C12orf54: variants seen among roughly 807,000 people sequenced by gnomAD.
C12orf54 encodes the protein chromosome 12 open reading frame 54, also known as uncharacterized protein C12orf54.
C12orf54 carries 24 observed loss-of-function variants against 26.4 expected under a neutral mutation model. The ratio of observed to expected loss-of-function variants is 0.91; its 90% CI spans 0.66 to 1.28. The LOEUF is 1.28. C12orf54 is among the 50% of genes most tolerant of loss of function. The pLI is 0.00. For synonymous variants in C12orf54, 54 were observed against 47.0 expected, an observed-to-expected ratio of 1.15 and a Z score of -0.61; for missense variants, 154 against 150.9, an observed-to-expected ratio of 1.02 and a Z score of -0.11.
At chr12:48,478,605 CA>C (rs1433858829), upstream of C12orf54, among the ~76,000 whole-genome samples, 1 of 152,098 alleles carries the variant, frequency 6.6e-6, no homozygotes, top group African/African-American at 2.4e-5. Context: ...ACACCAATAA[CA>C]GACAAACAGA....
chr12:48,426,712 C>T, the C12orf54 span, among the ~76,000 whole-genome samples: 322 of 152,172 alleles, frequency 2.1e-3, no homozygotes, highest in Admixed American at 4.1e-3. Flanking sequence ...TCCCTATCCA[C>T]GAGCATGAAT....
the C12orf54 span, among the ~76,000 whole-genome samples, chr12:48,436,490 T>A: frequency 0.31 from 46,988 of 151,892 alleles, 7,787 homozygotes; most frequent in African/African-American, 0.35. Flanking sequence ...CTATTCCAAA[T>A]TTGACCACAT....
chr12:48,483,456 G>A, intron 2 of C12orf54, 95 bp downstream of exon 2: 1 of 1,143,648 alleles, frequency 8.7e-7, no homozygotes, highest in Non-Finnish European at 1.3e-6. Context: ...CTCTTCATTT[G>A]GCTTCACTTG....
the C12orf54 span, among the ~76,000 whole-genome samples, chr12:48,452,042 AAAGAACAAAGCTGG>A: frequency 6.6e-6 from 1 of 152,202 alleles, no homozygotes; most frequent in Non-Finnish European, 1.5e-5. Flanking sequence ...TCCTAAGCAA[AAAGAACAAAGCTGG>A]AAGTATCACT....
intron 5 of C12orf54, chr12:48,489,441 CTT>C (rs1937735268): frequency 7.8e-6 from 2 of 256,326 alleles, no homozygotes; most frequent in Non-Finnish European, 1.6e-5. Context: ...CTCTCTCTCT[CTT>C]TGAGACAGGG....
the C12orf54 span, among the ~76,000 whole-genome samples, chr12:48,421,350 A>G: frequency 6.6e-6 from 1 of 151,322 alleles, no homozygotes; most frequent in Non-Finnish European, 1.5e-5. Flanking sequence ...TCAACAATAA[A>G]GTAGCAATGA....
chr12:48,465,674 C>T, the C12orf54 span, among the ~76,000 whole-genome samples: 1 of 151,980 alleles, frequency 6.6e-6, no homozygotes. Context: ...AAACACCCAT[C>T]GATGATAGAC....
At chr12:48,436,053 G>A in the C12orf54 span, among the ~76,000 whole-genome samples, 1 of 152,254 alleles carries the variant, frequency 6.6e-6, no homozygotes, top group Middle Eastern at 3.4e-3. Flanking sequence ...AAAATGAAGG[G>A]ATGGAGGAAG....
At chr12:48,422,712 A>G in the C12orf54 span, among the ~76,000 whole-genome samples, 1 of 152,220 alleles carries the variant, frequency 6.6e-6, no homozygotes, top group Non-Finnish European at 1.5e-5. Flanking sequence ...AGATTGAGAA[A>G]CAATGTTTAT....
chr12:48,459,234 G>T, the C12orf54 span, among the ~76,000 whole-genome samples: 3 of 152,150 alleles, frequency 2.0e-5, no homozygotes, highest in Non-Finnish European at 2.9e-5. Flanking sequence ...TTTAGAGCTT[G>T]TAGGTGCTGA....
At chr12:48,477,505 C>T (rs1565568001), upstream of C12orf54, among the ~76,000 whole-genome samples, 1 of 151,940 alleles carries the variant, frequency 6.6e-6, no homozygotes, top group African/African-American at 2.4e-5. Flanking sequence ...TCTAGCAAGA[C>T]TAATAAAGAA....
the C12orf54 span, among the ~76,000 whole-genome samples, chr12:48,420,388 T>C: frequency 6.6e-6 from 1 of 152,252 alleles, no homozygotes. Flanking sequence ...TTCCTGAATA[T>C]AAGACTTAGC....
the C12orf54 span, among the ~76,000 whole-genome samples, chr12:48,447,758 G>A: frequency 6.6e-6 from 1 of 152,150 alleles, no homozygotes; most frequent in Non-Finnish European, 1.5e-5. Flanking sequence ...AGATTTTGCA[G>A]ATGTCATTAA....
chr12:48,482,809 G>C lies in C12orf54; in HGVS notation c.-58+233G>C, dbSNP rs560054484. 5.9e-5 allele frequency among the ~76,000 whole-genome samples: 9 copies of C among 151,958 alleles called. No homozygotes were observed. In the East Asian group the frequency reaches 1.7e-3, roughly 29 times the overall value. On this transcript the variant is annotated intron_variant, in intron 1 of 8. Transcript: ENST00000548364. Reference sequence around the variant, plus strand: ...ATGAAAATTCTGACTGAGGTGGGAGGGGGTGGGGTATTTGACAATCTTGCA... The same window carrying C: ...ATGAAAATTCTGACTGAGGTGGGAGCGGGTGGGGTATTTGACAATCTTGCA...
rs1309698768 is a variant in C12orf54, at chr12:48,493,008, A to G, written c.242+13A>G. ...CACCCAGGACTGGGTAAGTGTCCCTATTCTGACAATGTTCAAGGGAGATGG... is the reference window on the plus strand; with the variant it reads ...CACCCAGGACTGGGTAAGTGTCCCTGTTCTGACAATGTTCAAGGGAGATGG... On this transcript the variant is annotated intron_variant, in intron 7 of 8. Transcript: ENST00000548364. The G allele has an allele frequency of 6.2e-7, 1 of 1,612,428 alleles. No homozygotes were observed. Among genetic ancestry groups the G allele is most frequent in the Non-Finnish European group, 8.5e-7 (1 of 1,178,472 alleles).
chr12:48,492,350 C>G (rs1937807229), intron 6 of C12orf54, among the ~76,000 whole-genome samples: 1 of 152,138 alleles, frequency 6.6e-6, no homozygotes, highest in Non-Finnish European at 1.5e-5. Flanking sequence ...GAGATACTTT[C>G]CTTGGATGCT....
At chr12:48,459,580 C>T in the C12orf54 span, among the ~76,000 whole-genome samples, 1 of 152,104 alleles carries the variant, frequency 6.6e-6, no homozygotes, top group Non-Finnish European at 1.5e-5. Flanking sequence ...TTCCGATTTT[C>T]GGTCACTGAA....
chr12:48,418,280 C>T, the C12orf54 span, among the ~76,000 whole-genome samples: 1 of 152,168 alleles, frequency 6.6e-6, no homozygotes, highest in Non-Finnish European at 1.5e-5. Flanking sequence ...TCTCTATTTA[C>T]TGCCTCTGTG....
the C12orf54 span, among the ~76,000 whole-genome samples, chr12:48,432,314 T>G: frequency 6.6e-5 from 10 of 152,144 alleles, no homozygotes; most frequent in African/African-American, 2.4e-4. Flanking sequence ...TAGTCCTCAA[T>G]AGAAGCAGAA....
Sources: allele counts gnomAD v4.1 joint callset (sites outside exome capture counted in the v4.1 genomes callset), GRCh38; gene constraint gnomAD v4.1.1; transcripts MANE v1.5; gene names NCBI Gene and HGNC (gene_info 2026-07-23, HGNC 2026-07-21).